Variants in CCDC88C observed in about 807,000 individuals in gnomAD.
CCDC88C encodes the protein protein Daple.
CCDC88C carries 131 observed loss-of-function variants against 198.8 expected under a neutral mutation model. The ratio of observed to expected loss-of-function variants is 0.66; its 90% confidence interval spans 0.57 to 0.76. The LOEUF (loss-of-function observed/expected upper bound fraction) is 0.76. Among genes scored for constraint, CCDC88C ranks in the 30% least tolerant of loss-of-function variants. The probability of loss-of-function intolerance (pLI) is 0.00; values close to 1 mark genes in which losing one functional copy is unlikely to be tolerated. For synonymous variants in CCDC88C, 1,166 were observed against 1,114.7 expected, an observed-to-expected ratio of 1.05 and a Z score of -0.92; for missense variants, 2,553 against 2,631.6, an observed-to-expected ratio of 0.97 and a Z score of 0.65.
In CCDC88C at chr14:91,386,074, T is replaced by G. The variant is rs996328328; in HGVS notation, c.270+22585A>C. Among the ~76,000 whole-genome samples, 12 of 152,172 alleles carry G rather than the reference T, an allele frequency of 7.9e-5. No homozygotes were observed. The East Asian group carries it at 2.3e-3, about 29-fold the overall frequency. ...CCTATCTGTAAAATGGGGACAATAC[T>G]TCCTGAACCATCTACTTCACACTCT... On this transcript the variant is annotated intron_variant, in intron 3 of 29. Coordinates refer to ENST00000389857, the MANE Select transcript of CCDC88C (RefSeq NM_001080414.4).
At chr14:91,404,524 T>C (rs1285829) in intron 3 of CCDC88C, among the ~76,000 whole-genome samples, 13,677 of 152,178 alleles carry the variant, frequency 0.09, 1,255 homozygotes, top group East Asian at 0.46. Context: ...CCAACTTACA[T>C]GCAGGCCCAA....
At chr14:91,327,773 C>T (rs1029649715) in intron 10 of CCDC88C, among the ~76,000 whole-genome samples, 2 of 152,192 alleles carry the variant, frequency 1.3e-5, no homozygotes, top group African/African-American at 4.8e-5. Context: ...TTTTGACCAG[C>T]GTTCCAGCAG....
rs1489616743 is a variant in CCDC88C at position 91,294,163 on chromosome 14, C to T, written c.4112+10G>A. ...GGGTGCGGAGAGGGGTTCAGGGACT[C>T]CCTGCTTACATGTACTGCTTCTGCT... On this transcript the variant is annotated intron_variant, in intron 23 of 29. Transcript: ENST00000389857. 8 of 1,613,752 alleles carry T rather than the reference C, an allele frequency of 5.0e-6. No homozygotes were observed. The highest frequency in any genetic ancestry group is 6.8e-6 in the Non-Finnish European group (8 of 1,179,682).
chr14:91,330,042 G>A (rs926796810), intron 10 of CCDC88C, among the ~76,000 whole-genome samples: 3 of 152,388 alleles, frequency 2.0e-5, no homozygotes, highest in East Asian at 1.9e-4. Flanking sequence ...CACAGGGGCC[G>A]GGTTTGCCCA....
In CCDC88C at chr14:91,375,274, C is replaced by T. The variant is rs533411896; in HGVS notation, c.271-15563G>A. On this transcript the variant is annotated intron_variant, in intron 3 of 29. Coordinates refer to ENST00000389857, the MANE Select transcript of CCDC88C (RefSeq NM_001080414.4). ...GCGCGCGTGTCTGTGTGTGTGTGTG[C>T]GCGCGCGCATGTGGGAGAGAGAGAG... Among the ~76,000 whole-genome samples the T allele has an allele frequency of 1.4e-3, 205 of 151,336 alleles. 1 individual carries two copies. The highest frequency in any genetic ancestry group is 3.1e-3 in the African/African-American group (128 of 40,908).
chr14:91,333,565 C>T (rs568528906), intron 10 of CCDC88C, among the ~76,000 whole-genome samples: 3 of 152,338 alleles, frequency 2.0e-5, no homozygotes, highest in East Asian at 3.9e-4. Context: ...ACACAGGACA[C>T]GGAAGGACAC....
chr14:91,351,855 T>C (rs1893817149), intron 4 of CCDC88C, among the ~76,000 whole-genome samples: 2 of 152,074 alleles, frequency 1.3e-5, no homozygotes, highest in South Asian at 2.1e-4. Context: ...CCCCAGGTCA[T>C]GTAGAACACT....
chr14:91,295,584 A>G (rs535545632), intron 22 of CCDC88C, among the ~76,000 whole-genome samples: 1 of 152,210 alleles, frequency 6.6e-6, no homozygotes, highest in Non-Finnish European at 1.5e-5. Flanking sequence ...AGTGCATCCC[A>G]GTAACGATGG....
At chr14:91,349,148 C>T (rs1245300561) in intron 4 of CCDC88C, among the ~76,000 whole-genome samples, 1 of 152,214 alleles carries the variant, frequency 6.6e-6, no homozygotes, top group Non-Finnish European at 1.5e-5. Context: ...AGGCCAAGAT[C>T]AAACAAACCT....
At chr14:91,379,906 T>C (rs1656550585) in intron 3 of CCDC88C, 3 of 702,888 alleles carry the variant, frequency 4.3e-6, no homozygotes, top group African/African-American at 1.7e-5. Context: ...GATGAGAAGA[T>C]TTTACTAAAG....
chr14:91,355,369 G>A (rs939087624), intron 4 of CCDC88C, among the ~76,000 whole-genome samples: 2 of 152,198 alleles, frequency 1.3e-5, no homozygotes, highest in African/African-American at 2.4e-5. Flanking sequence ...CACTATGGGG[G>A]CAGGCTCTTA....
At chr14:91,307,613 A>G (rs1468792648) in intron 17 of CCDC88C, among the ~76,000 whole-genome samples, 1 of 152,228 alleles carries the variant, frequency 6.6e-6, no homozygotes, top group East Asian at 1.9e-4. Flanking sequence ...CTTTATCCAG[A>G]TTCCTATTCA....
At chr14:91,387,043 C>T (rs939703312) in intron 3 of CCDC88C, among the ~76,000 whole-genome samples, 1 of 152,110 alleles carries the variant, frequency 6.6e-6, no homozygotes, top group Admixed American at 6.6e-5. Context: ...GTTGTGATTC[C>T]CACTTTATGA....
chr14:91,275,818 CT>C (rs34204634), intron 29 of CCDC88C, among the ~76,000 whole-genome samples: 50 of 82,302 alleles, frequency 6.1e-4, no homozygotes, highest in South Asian at 2.9e-3. Context: ...ACCAGTGGTT[CT>C]TTTTTTTTTT....
intron 3 of CCDC88C, among the ~76,000 whole-genome samples, chr14:91,372,552 A>AG (rs1894863911): frequency 2.3e-5 from 1 of 44,130 alleles, no homozygotes; most frequent in African/African-American, 1.3e-4. Context: ...CGGGGGGGGG[A>AG]GGCGTGTGTT....
rs767369544 is a variant in CCDC88C, at chr14:91,339,898, C to T, written c.610G>A (p.Asp204Asn). Residue 204 changes from aspartate (D) to asparagine (N), a missense_variant, in exon 7 of 30, where the codon GAC (aspartate) becomes AAC (asparagine). Asp to Asn is a conservative substitution (Grantham distance 23, BLOSUM62 1). Coordinates refer to ENST00000389857, the MANE Select transcript of CCDC88C (RefSeq NM_001080414.4). This position sits in a 1 kb window ranked among gnomAD's most constrained non-coding sequence, Gnocchi z 5.8. ...CGCGGACGCACCTCGGTGCACTCGT[C>T]CCGCTGGTCGATGAGCCTCCGCAGG... ...LHLRRLIDQR[D>N]ECTELIVDLT... The T allele has an allele frequency of 1.9e-6, 3 of 1,588,982 alleles. No homozygotes were observed. Among genetic ancestry groups the T allele is most frequent in the Non-Finnish European group, 1.7e-6 (2 of 1,168,894 alleles).
At chr14:91,323,674 G>A (rs1433491492) in intron 12 of CCDC88C, among the ~76,000 whole-genome samples, 1 of 152,212 alleles carries the variant, frequency 6.6e-6, no homozygotes, top group African/African-American at 2.4e-5. Flanking sequence ...CTAAATCGGT[G>A]AGGCCTTCTC....
intron 3 of CCDC88C, among the ~76,000 whole-genome samples, chr14:91,373,621 CTCTAT>C (rs1484336396): frequency 6.6e-6 from 1 of 152,170 alleles, no homozygotes; most frequent in Non-Finnish European, 1.5e-5. Context: ...GCAAGAAACT[CTCTAT>C]TCTATCACCA....
At chr14:91,318,625 G>A (rs890440228) in intron 13 of CCDC88C, among the ~76,000 whole-genome samples, 2 of 152,172 alleles carry the variant, frequency 1.3e-5, no homozygotes, top group Non-Finnish European at 1.5e-5. Flanking sequence ...TGGGGGACCT[G>A]TTCCCAGCCT....
Sources: allele counts gnomAD v4.1 joint callset (sites outside exome capture counted in the v4.1 genomes callset), GRCh38; gene constraint gnomAD v4.1.1; non-coding constraint Gnocchi (gnomAD v3.1); transcripts MANE v1.5; gene names NCBI Gene and HGNC (gene_info 2026-07-23, HGNC 2026-07-21).